NSRP1: variants seen among roughly 807,000 people sequenced by gnomAD.
NSRP1 encodes nuclear speckle splicing regulatory protein 1.
NSRP1 carries 24 observed loss-of-function variants against 54.7 expected under a neutral mutation model. The ratio of observed to expected loss-of-function variants is 0.44; its 90% confidence interval spans 0.32 to 0.62. The LOEUF is 0.62. Ranked by LOEUF, NSRP1 falls within the 20% of genes least tolerant of loss-of-function variation. NSRP1 has a pLI of 0.06. For missense variants in NSRP1, 596 were observed against 651.2 expected, an observed-to-expected ratio of 0.92 and a Z score of 0.92; for synonymous variants, 210 against 213.8, an observed-to-expected ratio of 0.98 and a Z score of 0.15.
chr17:30,165,157 C>T (rs1904684395), intron 2 of NSRP1, among the ~76,000 whole-genome samples: 1 of 152,036 alleles, frequency 6.6e-6, no homozygotes, highest in Non-Finnish European at 1.5e-5. Context: ...TAATGGTTGC[C>T]AGGGATTAGA....
rs1474801002 is a variant in NSRP1 at position 30,179,121 on chromosome 17, T to C, written c.332T>C (p.Val111Ala). The stretch of plus-strand genomic sequence containing the variant: ...TATATTCACAACTTGCTAAAAGCAG[T>C]TGAGATCAGAAAAAAGGAACAGGAA... ...PKYIHNLLKA[V>A]EIRKKEQEKR... is the part of the protein sequence containing the mutation. The change falls in exon 5 of 7, where the codon GTT (valine) becomes GCT (alanine). Residue 111 changes from valine (V) to alanine (A), a missense_variant. Coordinates refer to ENST00000247026, the MANE Select transcript of NSRP1 (RefSeq NM_032141.4). 3 of 1,596,936 alleles carry C rather than the reference T, an allele frequency of 1.9e-6. No homozygotes were observed. The highest frequency in any genetic ancestry group is 1.3e-5 in the African/African-American group (1 of 74,492).
At chr17:30,120,699 A>T (rs1022331075) in intron 2 of NSRP1, among the ~76,000 whole-genome samples, 1 of 152,194 alleles carries the variant, frequency 6.6e-6, no homozygotes, top group Non-Finnish European at 1.5e-5. Flanking sequence ...CTTCAGGATC[A>T]CTCTGATGTA....
intron 2 of NSRP1, among the ~76,000 whole-genome samples, chr17:30,135,766 G>C (rs997878122): frequency 6.6e-6 from 1 of 151,846 alleles, no homozygotes; most frequent in African/African-American, 2.4e-5. Flanking sequence ...CACCATGCCC[G>C]GTGTTGGCAC....
intron 2 of NSRP1, among the ~76,000 whole-genome samples, chr17:30,149,439 A>G (rs762768579): frequency 2.6e-5 from 4 of 152,198 alleles, no homozygotes; most frequent in Non-Finnish European, 4.4e-5. Context: ...ATTTGTTATC[A>G]TAGAGGAGTA....
At position 30,172,012 on chromosome 17, in the gene NSRP1, T is replaced by TCACA. The variant is rs1308017662; in HGVS notation, c.115-529_115-528insACAC. 4.8e-4 allele frequency among the ~76,000 whole-genome samples: 37 copies of TCACA among 77,068 alleles called. 1 individual carries two copies. In the East Asian group the frequency reaches 9.5e-3, roughly 20 times the overall value. 50.6% of individuals were successfully genotyped at this position (77,068 alleles called of 152,430 possible). A position where few individuals can be genotyped will look rare whatever the true frequency, so the allele number is the denominator to read the frequency against. On this transcript the variant is annotated intron_variant, in intron 2 of 6. Transcript: ENST00000247026. ...CTCTCTCTCTCTCTCTCTCTCTCTC[T>TCACA]CTCACATGTTCACATGAAGCAAATT...
intron 2 of NSRP1, chr17:30,126,244 A>G (rs2071648518): frequency 6.6e-6 from 1 of 152,174 alleles, no homozygotes; most frequent in Non-Finnish European, 1.5e-5. Context: ...TGCCCCTAGA[A>G]TGCTTACTAG....
At chr17:30,159,473 C>T (rs1904433297) in intron 2 of NSRP1, among the ~76,000 whole-genome samples, 1 of 151,700 alleles carries the variant, frequency 6.6e-6, no homozygotes, top group Non-Finnish European at 1.5e-5. Flanking sequence ...CTTCTCTTAC[C>T]TGATTGCTTT....
chr17:30,142,118 AT>A (rs546636933), intron 2 of NSRP1, among the ~76,000 whole-genome samples: 102 of 152,252 alleles, frequency 6.7e-4, no homozygotes, highest in Middle Eastern at 3.4e-3. Context: ...CTTGCAAACA[AT>A]TTGTGTATCT....
chr17:30,146,697 G>T (rs560623336), intron 2 of NSRP1, among the ~76,000 whole-genome samples: 1 of 152,130 alleles, frequency 6.6e-6, no homozygotes, highest in African/African-American at 2.4e-5. Context: ...GTACAGTGGC[G>T]CAATCTTGGC....
chr17:30,133,678 T>C (rs1277267058), intron 2 of NSRP1, among the ~76,000 whole-genome samples: 1 of 152,266 alleles, frequency 6.6e-6, no homozygotes, highest in African/African-American at 2.4e-5. Flanking sequence ...GAAGGCTGTT[T>C]TGTCTACATT....
chr17:30,125,583 T>C (rs1455671987), intron 2 of NSRP1, among the ~76,000 whole-genome samples: 1 of 152,240 alleles, frequency 6.6e-6, no homozygotes, highest in Non-Finnish European at 1.5e-5. Flanking sequence ...AGTCTAGCTC[T>C]GTCATCCAGG....
At chr17:30,162,422 C>G (rs1904553720) in intron 2 of NSRP1, among the ~76,000 whole-genome samples, 1 of 152,148 alleles carries the variant, frequency 6.6e-6, no homozygotes, top group Non-Finnish European at 1.5e-5. Flanking sequence ...CATCACAGCC[C>G]TTAAACTTTG....
At chr17:30,131,934 A>G (rs990172514) in intron 2 of NSRP1, among the ~76,000 whole-genome samples, 8 of 152,164 alleles carry the variant, frequency 5.3e-5, no homozygotes, top group African/African-American at 1.4e-4. Context: ...CGTCGTCACC[A>G]TGAGTAGATT....
chr17:30,178,128 A>T lies in NSRP1; in HGVS notation c.229A>T (p.Ser77Cys). ...AGATGCTACTGTGTATGAATATGACAGTATTTATGATGAAATGCAGAAAAA... is the reference window on the plus strand; with the variant it reads ...AGATGCTACTGTGTATGAATATGACTGTATTTATGATGAAATGCAGAAAAA... ...AEDATVYEYD[S>C]IYDEMQKKKE... The change falls in exon 4 of 7, where the codon AGT (serine) becomes TGT (cysteine). Residue 77 changes from serine (S) to cysteine (C), a missense_variant. Transcript: ENST00000247026. 2 of 1,610,986 alleles carry T rather than the reference A, an allele frequency of 1.2e-6. No homozygotes were observed. Among genetic ancestry groups the T allele is most frequent in the Non-Finnish European group, 1.7e-6 (2 of 1,179,024 alleles).
At chr17:30,181,280 C>G (rs191889790) in intron 6 of NSRP1, among the ~76,000 whole-genome samples, 2 of 152,148 alleles carry the variant, frequency 1.3e-5, no homozygotes, top group East Asian at 3.9e-4. Context: ...TATTGTAAAA[C>G]CAAAGACAGA....
intron 2 of NSRP1, among the ~76,000 whole-genome samples, chr17:30,153,993 T>G (rs1008171836): frequency 6.6e-6 from 1 of 152,130 alleles, no homozygotes; most frequent in African/African-American, 2.4e-5. Context: ...TGGATTGTTA[T>G]GGTTGTTTTT....
At chr17:30,156,308 C>G (rs1303826618) in intron 2 of NSRP1, among the ~76,000 whole-genome samples, 2 of 150,888 alleles carry the variant, frequency 1.3e-5, no homozygotes, top group East Asian at 4.0e-4. Context: ...TATTAGTACC[C>G]ATTAACCAAC....
intron 2 of NSRP1, among the ~76,000 whole-genome samples, chr17:30,151,001 T>TCACA (rs2071904147): frequency 6.6e-6 from 1 of 152,132 alleles, no homozygotes; most frequent in Admixed American, 6.6e-5. Flanking sequence ...TCCACATCTT[T>TCACA]ATGAGCATTT....
intron 2 of NSRP1, among the ~76,000 whole-genome samples, chr17:30,163,727 G>A (rs1904624184): frequency 6.9e-6 from 1 of 145,138 alleles, no homozygotes; most frequent in South Asian, 2.2e-4. Context: ...TGTCACCCAG[G>A]CTAGAGTGCA....
Sources: allele counts gnomAD v4.1 joint callset (sites outside exome capture counted in the v4.1 genomes callset), GRCh38; gene constraint gnomAD v4.1.1; transcripts MANE v1.5; gene names NCBI Gene and HGNC (gene_info 2026-07-23, HGNC 2026-07-21).